Variants in SLCO3A1 observed in about 807,000 individuals in gnomAD.
The protein encoded by SLCO3A1 is PGE1 transporter.
A neutral mutation model predicts 63.1 loss-of-function variants in SLCO3A1; 27 were observed. The ratio of observed to expected loss-of-function variants is 0.43; its 90% confidence interval spans 0.32 to 0.59. SLCO3A1 has a LOEUF of 0.59. Among genes scored for constraint, SLCO3A1 ranks in the 20% least tolerant of loss-of-function variants. SLCO3A1 has a pLI of 0.09. For missense variants in SLCO3A1, 773 were observed against 945.8 expected (o/e 0.82, Z 2.40); for synonymous variants, 473 against 409.9 (o/e 1.15, Z -1.86).
At chr15:91,927,596 G>A (rs1308123864) in intron 2 of SLCO3A1, among the ~76,000 whole-genome samples, 2 of 152,156 alleles carry the variant, frequency 1.3e-5, no homozygotes, top group Non-Finnish European at 2.9e-5. Context: ...GGGAGGATTG[G>A]CGTTGCACTC....
intron 2 of SLCO3A1, among the ~76,000 whole-genome samples, chr15:91,986,286 G>C (rs1051019700): frequency 2.0e-5 from 3 of 152,184 alleles, no homozygotes; most frequent in Non-Finnish European, 4.4e-5. Flanking sequence ...CTGGGGAAGA[G>C]GACAAAAGGT....
rs755329705 is a variant in SLCO3A1 at position 91,967,839 on chromosome 15, G to C, written c.646+51381G>C. On this transcript the variant is annotated intron_variant, in intron 2 of 9. Coordinates refer to ENST00000318445, the MANE Select transcript of SLCO3A1 (RefSeq NM_013272.4). This position sits in a 1 kb window ranked among gnomAD's most constrained non-coding sequence, Gnocchi z 4.4. ...TCACTTCAGTGTTCTCCCAAATCCC[G>C]CTGGCATAGGCTCTTTCCTTGTCTG... Among the ~76,000 whole-genome samples, 1 of 152,130 alleles carries C rather than the reference G, an allele frequency of 6.6e-6. No homozygotes were observed. The highest frequency in any genetic ancestry group is 2.4e-5 in the African/African-American group (1 of 41,414).
rs138151136 is a variant in SLCO3A1, at chr15:91,881,059, A to G, written c.180+26971A>G. The stretch of plus-strand genomic sequence containing the variant: ...TTGGGTGGAGGCTCTGTGTGCCCTG[A>G]GACCTGCATTCATGTATCTGCATTT... On this transcript the variant is annotated intron_variant, in intron 1 of 9. Coordinates refer to ENST00000318445, the MANE Select transcript of SLCO3A1 (RefSeq NM_013272.4). 2.6e-5 allele frequency among the ~76,000 whole-genome samples: 4 copies of G among 152,314 alleles called. No homozygotes were observed. The East Asian group carries it at 7.7e-4, about 29-fold the overall frequency.
chr15:92,150,783 T>C (rs1479112451), intron 8 of SLCO3A1, among the ~76,000 whole-genome samples, 167 bp from the exon 9 acceptor site: 1 of 151,182 alleles, frequency 6.6e-6, no homozygotes, highest in Non-Finnish European at 1.5e-5. Flanking sequence ...TTTCAGACTT[T>C]AGGCAGAAAA....
intron 2 of SLCO3A1, among the ~76,000 whole-genome samples, chr15:91,994,167 A>G (rs1348136063): frequency 2.0e-5 from 3 of 152,206 alleles, no homozygotes; most frequent in South Asian, 2.1e-4. Context: ...CATAACTAAT[A>G]CATAGTCTTT....
Position 91,912,884 on chromosome 15 carries a change from C to T in SLCO3A1, c.181-3109C>T, listed in dbSNP as rs1265661360. Among the ~76,000 whole-genome samples, 1 of 152,178 alleles carries T rather than the reference C, an allele frequency of 6.6e-6. No homozygotes were observed. Among genetic ancestry groups the T allele is most frequent in the Admixed American group, 6.5e-5 (1 of 15,284 alleles). On this transcript the variant is annotated intron_variant, in intron 1 of 9. Transcript: ENST00000318445. The surrounding 1 kb of genome is among the most constrained non-coding windows in gnomAD (Gnocchi z 5.0). Reference sequence around the variant, plus strand: ...CACACAAAGGCCTGGGCGAGGCTCCCCAAAGCCCCCTACCTCCCAGGTCTT... The same window carrying T: ...CACACAAAGGCCTGGGCGAGGCTCCTCAAAGCCCCCTACCTCCCAGGTCTT...
At chr15:91,876,221 A>G (rs1897394832) in intron 1 of SLCO3A1, among the ~76,000 whole-genome samples, 2 of 152,200 alleles carry the variant, frequency 1.3e-5, no homozygotes, top group Admixed American at 6.5e-5. Context: ...GCATTGCCCA[A>G]CCTTCCCAGT....
rs778763312 is a variant in SLCO3A1 at position 92,150,915 on chromosome 15, TG to T, written c.1689-33del. On this transcript the variant is annotated intron_variant, in intron 8 of 9. Transcript: ENST00000318445. ...TAATTACAGGGGAATGATAAAAATCTGGTTTTTTTTTTCTCTTCATCTCTTT... is the reference window on the plus strand; with the variant it reads ...TAATTACAGGGGAATGATAAAAATCTGTTTTTTTTTTCTCTTCATCTCTTT... 191 of 1,522,724 alleles carry T rather than the reference TG, an allele frequency of 1.3e-4. 1 individual carries two copies. The African/African-American group carries it at 2.3e-3, about 19-fold the overall frequency. 94.3% of individuals were successfully genotyped at this position (1,522,724 alleles called of 1,614,324 possible).
At chr15:91,924,636 G>C (rs558156664) in intron 2 of SLCO3A1, among the ~76,000 whole-genome samples, 13 of 152,312 alleles carry the variant, frequency 8.5e-5, no homozygotes, top group African/African-American at 2.9e-4. Context: ...TGGATTTGGA[G>C]GAAGAGGACA....
intron 2 of SLCO3A1, among the ~76,000 whole-genome samples, chr15:91,995,285 G>A (rs375857476): frequency 7.9e-5 from 12 of 152,182 alleles, no homozygotes; most frequent in African/African-American, 1.7e-4. Flanking sequence ...GTGAGACTTC[G>A]GACAAGTTAT....
chr15:91,971,753 G>T (rs1255834746), intron 2 of SLCO3A1, among the ~76,000 whole-genome samples: 1 of 152,174 alleles, frequency 6.6e-6, no homozygotes, highest in Non-Finnish European at 1.5e-5. Flanking sequence ...ATGAGTTGAT[G>T]AAAATGTTGT....
intron 8 of SLCO3A1, among the ~76,000 whole-genome samples, chr15:92,147,937 C>G (rs2048250943): frequency 6.6e-6 from 1 of 152,208 alleles, no homozygotes; most frequent in Admixed American, 6.5e-5. Context: ...GACTCATCAG[C>G]TGGGCATGGT....
Position 92,120,488 on chromosome 15 carries a change from C to T in SLCO3A1, c.1033C>T (p.Leu345=). The change falls in exon 5 of 10, where the codon CTG becomes TTG. Residue 345 remains leucine, a synonymous_variant. Transcript: ENST00000318445. ...AGTGATCCCGAAGGTCACCAAGCAC[C>T]TGCTCTCAAACCCTGTGTTCACCTG... ...LRVIPKVTKH[L]LSNPVFTCII... The T allele has an allele frequency of 6.2e-7, 1 of 1,614,140 alleles. No homozygotes were observed. The highest frequency in any genetic ancestry group is 8.5e-7 in the Non-Finnish European group (1 of 1,179,998).
intron 1 of SLCO3A1, among the ~76,000 whole-genome samples, chr15:91,911,139 C>T (rs1898472504): frequency 6.6e-6 from 1 of 152,176 alleles, no homozygotes; most frequent in Non-Finnish European, 1.5e-5. Context: ...TTCAGTTGGC[C>T]TTAGTGTGAC....
Position 92,131,451 on chromosome 15 carries a change from G to A in SLCO3A1, c.1512+2962G>A, listed in dbSNP as rs1303468503. Among the ~76,000 whole-genome samples, 2 of 140,270 alleles carry A rather than the reference G, an allele frequency of 1.4e-5. 1 individual carries two copies. Among genetic ancestry groups the A allele is most frequent in the Non-Finnish European group, 3.1e-5 (2 of 64,094 alleles). 92.0% of individuals were successfully genotyped at this position (140,270 alleles called of 152,430 possible). The stretch of plus-strand genomic sequence containing the variant: ...ACAACCTCGGCTCACTGCAACCTCT[G>A]CCTCCCGGGTTCAAGTGATTCTCCT... On this transcript the variant is annotated intron_variant, in intron 7 of 9. Transcript: ENST00000318445.
chr15:92,021,548 T>G (rs772004560), intron 2 of SLCO3A1, among the ~76,000 whole-genome samples: 6 of 152,214 alleles, frequency 3.9e-5, no homozygotes, highest in Non-Finnish European at 7.3e-5. Flanking sequence ...AAGAGGGTTT[T>G]CCTCCATCCG....
intron 2 of SLCO3A1, among the ~76,000 whole-genome samples, chr15:92,009,410 C>T (rs916552238): frequency 6.6e-6 from 1 of 152,170 alleles, no homozygotes; most frequent in African/African-American, 2.4e-5. Context: ...GAGCAGTACC[C>T]TGGGTTAACT....
intron 2 of SLCO3A1, among the ~76,000 whole-genome samples, chr15:91,956,734 C>A (rs988654212): frequency 1.3e-5 from 2 of 149,394 alleles, no homozygotes; most frequent in Admixed American, 1.3e-4. Flanking sequence ...CTTGTCCAAG[C>A]CCCCATGATC....
At chr15:92,077,322 CCTT>C (rs921480121) in intron 2 of SLCO3A1, among the ~76,000 whole-genome samples, 13 of 152,290 alleles carry the variant, frequency 8.5e-5, no homozygotes, top group African/African-American at 3.1e-4. Flanking sequence ...GCCTCCCTTC[CCTT>C]CTTGGGCTTT....
Sources: gnomAD v4.1 joint callset for allele counts (sites outside exome capture counted in the v4.1 genomes callset) on GRCh38, gnomAD v4.1.1 for gene constraint, Gnocchi (gnomAD v3.1) non-coding constraint, MANE v1.5 for transcripts, NCBI Gene and HGNC (gene_info 2026-07-23, HGNC 2026-07-21) for gene names.